Variants in NARS2 observed in about 807,000 individuals in gnomAD.
The protein encoded by NARS2 is asparaginyl-tRNA synthetase 2, mitochondrial.
NARS2 carries 60 observed loss-of-function variants against 62.9 expected under a neutral mutation model. The ratio of observed to expected loss-of-function variants is 0.95; its 90% CI spans 0.77 to 1.18. The LOEUF (loss-of-function observed/expected upper bound fraction) is 1.18, where lower values mean the gene tolerates loss of function less well. NARS2 is among the 50% of genes most tolerant of loss of function. The pLI, the probability that NARS2 is intolerant of heterozygous loss-of-function variation, is 0.00. For synonymous variants in NARS2, 196 were observed against 200.0 expected, an observed-to-expected ratio of 0.98 and a Z score of 0.17; for missense variants, 619 against 576.4, an observed-to-expected ratio of 1.07 and a Z score of -0.76.
At chr11:78,571,697 T>C (rs1409264429) in intron 1 of NARS2, 6 of 365,234 alleles carry the variant, frequency 1.6e-5, no homozygotes, top group Non-Finnish European at 2.6e-5. Flanking sequence ...TTCCTTCATG[T>C]TGATGAGCCT....
intron 6 of NARS2, among the ~76,000 whole-genome samples, chr11:78,496,002 A>C (rs937665905): frequency 3.9e-5 from 6 of 152,166 alleles, no homozygotes; most frequent in Non-Finnish European, 8.8e-5. Context: ...CTCTAGTATA[A>C]AATACAGAAG....
intron 6 of NARS2, among the ~76,000 whole-genome samples, chr11:78,503,930 CTT>C (rs1194395115): frequency 6.6e-6 from 1 of 152,182 alleles, no homozygotes; most frequent in Non-Finnish European, 1.5e-5. Flanking sequence ...AATGAACACT[CTT>C]AATGATAGGA....
Position 78,541,186 on chromosome 11 carries a change from C to T in NARS2, c.595-12250G>A, listed in dbSNP as rs149617767. ...AAAAAAAAAAATTTTAATTCAACTT[C>T]CCTCTTGTAAAAGATGCTAAAGCTT... On this transcript the variant is annotated intron_variant, in intron 5 of 13. Coordinates refer to ENST00000281038, the MANE Select transcript of NARS2 (RefSeq NM_024678.6). Among the ~76,000 whole-genome samples, 952 of 152,226 alleles carry T rather than the reference C, an allele frequency of 6.3e-3. 7 individuals are homozygous for T. The highest frequency in any genetic ancestry group is 0.01 in the Middle Eastern group (3 of 294).
At chr11:78,557,102 G>A (rs1000279719) in intron 5 of NARS2, among the ~76,000 whole-genome samples, 6 of 152,226 alleles carry the variant, frequency 3.9e-5, no homozygotes, top group African/African-American at 1.4e-4. Context: ...GTAGGAAATG[G>A]AGATGAGGGA....
At chr11:78,543,095 T>C (rs533981376) in intron 5 of NARS2, among the ~76,000 whole-genome samples, 1 of 152,230 alleles carries the variant, frequency 6.6e-6, no homozygotes, top group African/African-American at 2.4e-5. Flanking sequence ...CAAGAACTGC[T>C]TGAACCCAGG....
At chr11:78,503,697 A>G (rs1213499956) in intron 6 of NARS2, among the ~76,000 whole-genome samples, 2 of 152,264 alleles carry the variant, frequency 1.3e-5, no homozygotes. Flanking sequence ...CAAATCAAAC[A>G]GAGCTTGGTT....
intron 11 of NARS2, among the ~76,000 whole-genome samples, chr11:78,455,243 C>T (rs1442723773): frequency 6.6e-6 from 1 of 152,150 alleles, no homozygotes; most frequent in Non-Finnish European, 1.5e-5. Context: ...CTTGTCTAGC[C>T]ATCTTTATCA....
At chr11:78,459,322 G>A (rs1283790927) in intron 11 of NARS2, among the ~76,000 whole-genome samples, 1 of 150,882 alleles carries the variant, frequency 6.6e-6, no homozygotes, top group Non-Finnish European at 1.5e-5. Context: ...CCAGGCTGGA[G>A]TACAATGATG....
At chr11:78,504,809 T>C (rs1000838742) in intron 6 of NARS2, among the ~76,000 whole-genome samples, 2 of 152,150 alleles carry the variant, frequency 1.3e-5, no homozygotes, top group African/African-American at 4.8e-5. Flanking sequence ...TTCGTATCTA[T>C]CAACTTTAGG....
intron 5 of NARS2, among the ~76,000 whole-genome samples, chr11:78,532,115 ATTGTAATCTTAAAT>A (rs2135434982): frequency 6.6e-6 from 1 of 152,308 alleles, no homozygotes; most frequent in South Asian, 2.1e-4. Context: ...AAGATTTAGG[ATTGTAATCTTAAAT>A]TTGTAATCTT....
At position 78,574,557 on chromosome 11, in the gene NARS2, C is replaced by T. The variant is rs1857059747; in HGVS notation, c.-69G>A. Reference sequence around the variant, plus strand: ...CGGTTCGAACCCCGCCTGCAGCGGCCCTCCTTTCTCAGCTGCTCCCCTTCC... The same window carrying T: ...CGGTTCGAACCCCGCCTGCAGCGGCTCTCCTTTCTCAGCTGCTCCCCTTCC... On this transcript the variant is annotated 5_prime_UTR_variant, in exon 1 of 14. Coordinates refer to ENST00000281038, the MANE Select transcript of NARS2 (RefSeq NM_024678.6). 10 of 1,488,562 alleles carry T rather than the reference C, an allele frequency of 6.7e-6. No individual in the cohort carries two copies. The highest frequency in any genetic ancestry group is 8.9e-6 in the Non-Finnish European group (10 of 1,118,438). The allele number at this position is 1,488,562 out of a possible 1,614,324, so 92.2% of individuals were successfully genotyped here.
intron 6 of NARS2, among the ~76,000 whole-genome samples, chr11:78,505,116 A>C (rs1860437129): frequency 1.3e-5 from 2 of 152,024 alleles, no homozygotes; most frequent in South Asian, 4.2e-4. Flanking sequence ...ATTCACACCC[A>C]CTGCATGAAA....
chr11:78,463,263 T>C (rs967721167), intron 11 of NARS2, among the ~76,000 whole-genome samples: 5 of 152,156 alleles, frequency 3.3e-5, no homozygotes, highest in Admixed American at 1.3e-4. Context: ...TCTTCCTATG[T>C]TCAACAGGCT....
chr11:78,523,539 A>C (rs985260539), intron 6 of NARS2, among the ~76,000 whole-genome samples: 3 of 152,238 alleles, frequency 2.0e-5, no homozygotes, highest in Non-Finnish European at 4.4e-5. Flanking sequence ...CATTACTTAC[A>C]AGAGCCAAAA....
intron 6 of NARS2, among the ~76,000 whole-genome samples, chr11:78,511,953 A>T (rs993889160): frequency 3.3e-5 from 5 of 152,218 alleles, no homozygotes; most frequent in African/African-American, 1.2e-4. Flanking sequence ...TATTTAAACT[A>T]TAATCTTGTT....
rs558591804 is a variant in NARS2, at chr11:78,536,393, C to T, written c.595-7457G>A. 5.8e-4 allele frequency among the ~76,000 whole-genome samples: 88 copies of T among 152,216 alleles called. 1 individual carries two copies. The highest frequency in any genetic ancestry group is 9.2e-4 in the Admixed American group (14 of 15,290). On this transcript the variant is annotated intron_variant, in intron 5 of 13. Transcript: ENST00000281038. ...ATTGCCATCATAGGAGATGACAGCT[C>T]CATGTGTGTTACTGCCCCTGAAGAC...
chr11:78,491,000 C>T (rs1744357278), intron 7 of NARS2, among the ~76,000 whole-genome samples: 2 of 152,120 alleles, frequency 1.3e-5, no homozygotes, highest in Non-Finnish European at 2.9e-5. Flanking sequence ...TAAACGATAT[C>T]TTGCAACCCT....
chr11:78,444,319 G>A (rs1857677419), intron 11 of NARS2, among the ~76,000 whole-genome samples: 1 of 152,086 alleles, frequency 6.6e-6, no homozygotes, highest in Non-Finnish European at 1.5e-5. Context: ...GCAATGAAGA[G>A]TTTAATTTGT....
rs11237512 is a variant in NARS2 at position 78,466,278 on chromosome 11, C to A, written c.1027-265G>T. 0.064 allele frequency among the ~76,000 whole-genome samples: 9,542 copies of A among 148,172 alleles called. 519 individuals carry two copies. Among genetic ancestry groups the A allele is most frequent in the East Asian group, 0.36 (1,666 of 4,672 alleles). On this transcript the variant is annotated intron_variant, in intron 10 of 13. Transcript: ENST00000281038. ...CCCCATTGCTCCCCCACCCCCACCCCCCAGGAGCAGACAATACAGCACCTG... is the reference window on the plus strand; with the variant it reads ...CCCCATTGCTCCCCCACCCCCACCCACCAGGAGCAGACAATACAGCACCTG...
Sources: gnomAD v4.1 joint callset for allele counts (sites outside exome capture counted in the v4.1 genomes callset) on GRCh38, gnomAD v4.1.1 for gene constraint, MANE v1.5 for transcripts, NCBI Gene and HGNC (gene_info 2026-07-23, HGNC 2026-07-21) for gene names.